Variants in CNTNAP2 observed in about 807,000 individuals in gnomAD.
CNTNAP2 encodes the protein contactin-associated protein-like 2.
CNTNAP2 carries 98 observed loss-of-function variants against 155.2 expected under a neutral mutation model. The ratio of observed to expected loss-of-function variants is 0.63; its 90% CI spans 0.54 to 0.75. The LOEUF (loss-of-function observed/expected upper bound fraction) is 0.75. Among genes scored for constraint, CNTNAP2 ranks in the 30% least tolerant of loss-of-function variants. CNTNAP2 has a pLI of 0.00. For missense variants in CNTNAP2, 1,727 were observed against 1,688.1 expected (o/e 1.02, Z -0.40); for synonymous variants, 651 against 631.2 (o/e 1.03, Z -0.47).
chr7:146,814,506 T>C (rs1401513529), intron 2 of CNTNAP2, among the ~76,000 whole-genome samples: 1 of 151,934 alleles, frequency 6.6e-6, no homozygotes, highest in Non-Finnish European at 1.5e-5. Context: ...AGAGAATAGA[T>C]AAAAAAAGAA....
At chr7:147,454,954 G>T (rs1275737743) in intron 10 of CNTNAP2, among the ~76,000 whole-genome samples, 1 of 152,054 alleles carries the variant, frequency 6.6e-6, no homozygotes, top group South Asian at 2.1e-4. Context: ...ACAGGATCAT[G>T]GTCTTTAATC....
At chr7:148,387,043 G>A (rs930224576) in intron 22 of CNTNAP2, among the ~76,000 whole-genome samples, 5 of 152,140 alleles carry the variant, frequency 3.3e-5, no homozygotes, top group South Asian at 4.1e-4. Context: ...GAGGACTTAC[G>A]GTAGGTTTCT....
chr7:147,449,181 T>A (rs1157037666), intron 10 of CNTNAP2, among the ~76,000 whole-genome samples: 2 of 151,942 alleles, frequency 1.3e-5, no homozygotes, highest in African/African-American at 2.4e-5. Flanking sequence ...CTATTTAAAT[T>A]ACCTACAAAA....
intron 8 of CNTNAP2, among the ~76,000 whole-genome samples, chr7:147,180,746 C>G (rs1326992172): frequency 6.6e-6 from 1 of 152,020 alleles, no homozygotes; most frequent in Non-Finnish European, 1.5e-5. Context: ...AACTAGAGAT[C>G]CAAGCCAGCA....
At chr7:148,071,738 C>A (rs995355740) in intron 15 of CNTNAP2, among the ~76,000 whole-genome samples, 19 of 152,164 alleles carry the variant, frequency 1.2e-4, no homozygotes, top group African/African-American at 4.3e-4. Context: ...TCCATAAATA[C>A]TTACCTTGTG....
At chr7:147,383,954 A>T (rs1796584353) in intron 9 of CNTNAP2, among the ~76,000 whole-genome samples, 1 of 152,194 alleles carries the variant, frequency 6.6e-6, no homozygotes, top group African/African-American at 2.4e-5. Context: ...TGTAAGAAGA[A>T]ATTAGTAGTT....
intron 17 of CNTNAP2, among the ~76,000 whole-genome samples, chr7:148,155,953 A>G (rs1204003850): frequency 6.6e-6 from 1 of 152,160 alleles, no homozygotes; most frequent in Middle Eastern, 3.2e-3. Flanking sequence ...ATCCCAAGGA[A>G]GATTTGCAGG....
chr7:148,148,027 T>A (rs192624682), intron 17 of CNTNAP2, among the ~76,000 whole-genome samples: 14 of 151,676 alleles, frequency 9.2e-5, no homozygotes, highest in Admixed American at 6.6e-4. Flanking sequence ...TATAAAGTTA[T>A]TTGATCATTT....
chr7:146,645,052 T>C (rs894280689), intron 1 of CNTNAP2, among the ~76,000 whole-genome samples: 1 of 152,094 alleles, frequency 6.6e-6, no homozygotes, highest in Non-Finnish European at 1.5e-5. Context: ...AGAGCAGAAA[T>C]TTTTTTAAAA....
intron 1 of CNTNAP2, among the ~76,000 whole-genome samples, chr7:146,431,915 A>G (rs930658368): frequency 5.3e-5 from 8 of 152,124 alleles, no homozygotes; most frequent in African/African-American, 1.9e-4. Context: ...AAATATTCTT[A>G]CATCAAATAC....
intron 15 of CNTNAP2, among the ~76,000 whole-genome samples, chr7:148,092,351 T>C (rs960732903): frequency 6.6e-6 from 1 of 152,150 alleles, no homozygotes; most frequent in South Asian, 2.1e-4. Flanking sequence ...TCTTAATGAG[T>C]GGCATGATTC....
At chr7:146,398,063 C>T (rs1584906245) in intron 1 of CNTNAP2, among the ~76,000 whole-genome samples, 1 of 151,244 alleles carries the variant, frequency 6.6e-6, no homozygotes, top group South Asian at 2.1e-4. Flanking sequence ...TTGTGGAGAG[C>T]GTTTCACCAT....
At chr7:147,518,575 C>G (rs1197955180) in intron 11 of CNTNAP2, among the ~76,000 whole-genome samples, 1 of 152,190 alleles carries the variant, frequency 6.6e-6, no homozygotes, top group Non-Finnish European at 1.5e-5. Context: ...TTCCGGTGGA[C>G]AGAGTTGGAT....
At chr7:147,665,634 CCT>C (rs1795680837) in intron 13 of CNTNAP2, among the ~76,000 whole-genome samples, 1 of 151,872 alleles carries the variant, frequency 6.6e-6, no homozygotes, top group Non-Finnish European at 1.5e-5. Flanking sequence ...CATCCTCCAC[CCT>C]CTGAGAGGCC....
chr7:146,869,448 C>A (rs984267345), intron 3 of CNTNAP2, among the ~76,000 whole-genome samples: 1 of 151,962 alleles, frequency 6.6e-6, no homozygotes, highest in Admixed American at 6.6e-5. Flanking sequence ...TCTAGAGGGA[C>A]AGAACTGAAT....
intron 17 of CNTNAP2, among the ~76,000 whole-genome samples, chr7:148,168,554 G>T (rs1007199839): frequency 1.6e-5 from 2 of 124,444 alleles, no homozygotes; most frequent in Non-Finnish European, 3.2e-5. Context: ...ACACACCGGG[G>T]CCTGTTGTGG....
intron 1 of CNTNAP2, among the ~76,000 whole-genome samples, chr7:146,245,749 C>G (rs1210728984): frequency 1.3e-5 from 2 of 152,078 alleles, no homozygotes; most frequent in Non-Finnish European, 2.9e-5. Flanking sequence ...GTCTGTGAAG[C>G]CTTGCGGCAG....
chr7:146,811,169 C>G (rs538049313), intron 2 of CNTNAP2, among the ~76,000 whole-genome samples: 2 of 152,240 alleles, frequency 1.3e-5, no homozygotes, highest in East Asian at 3.9e-4. Context: ...GAAGTGTTCC[C>G]ATCTCAATTT....
Position 147,561,554 on chromosome 7 carries a change from A to G in CNTNAP2, c.1778-584A>G, listed in dbSNP as rs532570873. Among the ~76,000 whole-genome samples, 22 of 152,340 alleles carry G rather than the reference A, an allele frequency of 1.4e-4. 1 individual carries two copies. The South Asian group carries it at 3.9e-3, about 27-fold the overall frequency. On this transcript the variant is annotated intron_variant, in intron 11 of 23. Coordinates refer to ENST00000361727, the MANE Select transcript of CNTNAP2 (RefSeq NM_014141.6). ...AATGTCAGCCGTCTACACAAACTAG[A>G]TTTGATGTAATTAAAGCACCTGGAA...
Sources: gnomAD v4.1 joint callset for allele counts (sites outside exome capture counted in the v4.1 genomes callset) on GRCh38, gnomAD v4.1.1 for gene constraint, MANE v1.5 for transcripts, NCBI Gene and HGNC (gene_info 2026-07-23, HGNC 2026-07-21) for gene names.